Variants in DEPDC5 observed in about 807,000 individuals in gnomAD.
The protein encoded by DEPDC5 is GATOR1 complex protein DEPDC5.
Under a neutral mutation model 217.3 loss-of-function variants are expected in DEPDC5, and 73 were observed. That is an observed-to-expected ratio of 0.34 (90% confidence interval 0.28 to 0.41). DEPDC5 has a LOEUF of 0.41. Ranked by LOEUF, DEPDC5 falls within the 10% of genes least tolerant of loss-of-function variation. The pLI is 1.00. For missense variants in DEPDC5, 1,675 were observed against 2,070.1 expected (o/e 0.81, Z 3.70); for synonymous variants, 733 against 756.7 (o/e 0.97, Z 0.51).
chr22:31,904,164 C>A (rs372497856), intron 41 of DEPDC5, among the ~76,000 whole-genome samples: 3,175 of 135,404 alleles, frequency 0.023, 168 homozygotes, highest in East Asian at 0.039. Flanking sequence ...TGTGACCTAC[C>A]GCTCCTCCTT....
At chr22:31,760,982 GTTT>G (rs201553511) in intron 4 of DEPDC5, among the ~76,000 whole-genome samples, 2 of 139,154 alleles carry the variant, frequency 1.4e-5, no homozygotes. Flanking sequence ...TCTTAACATT[GTTT>G]TTTTTTTTTT....
At chr22:31,832,372 A>G (rs887645054) in intron 24 of DEPDC5, among the ~76,000 whole-genome samples, 2 of 152,352 alleles carry the variant, frequency 1.3e-5, no homozygotes, top group East Asian at 1.9e-4. Flanking sequence ...ATTGTTATCA[A>G]CAATGTGTAA....
intron 6 of DEPDC5, 108 bp downstream of exon 6, chr22:31,766,776 C>G (rs892015331): frequency 2.2e-6 from 2 of 925,100 alleles, no homozygotes; most frequent in Non-Finnish European, 3.4e-6. Flanking sequence ...ATATCAGCAT[C>G]TACAGACAAT....
intron 35 of DEPDC5, chr22:31,873,789 C>CTTTTT (rs796650383): frequency 2.2e-4 from 25 of 114,720 alleles, no homozygotes; most frequent in South Asian, 2.8e-4. Context: ...ACAACTTCTT[C>CTTTTT]TTTTTTTTTT....
chr22:31,790,531 A>G (rs936360822), intron 10 of DEPDC5, among the ~76,000 whole-genome samples: 1 of 152,130 alleles, frequency 6.6e-6, no homozygotes, highest in African/African-American at 2.4e-5. Context: ...CCCTCATCCT[A>G]TGAGACTAGT....
At chr22:31,845,621 C>A (rs2091683453) in intron 30 of DEPDC5, among the ~76,000 whole-genome samples, 1 of 152,128 alleles carries the variant, frequency 6.6e-6, no homozygotes, top group Admixed American at 6.6e-5. Flanking sequence ...TTCCCAGCAC[C>A]CTGTGCCTTA....
At chr22:31,851,512 C>T (rs562415206) in intron 31 of DEPDC5, among the ~76,000 whole-genome samples, 1 of 152,236 alleles carries the variant, frequency 6.6e-6, no homozygotes, top group African/African-American at 2.4e-5. Flanking sequence ...CATCAGAGCA[C>T]TTACCAGTAT....
chr22:31,843,043 G>T (rs2091492075), intron 27 of DEPDC5, 52 bp from the exon 28 acceptor site: 1 of 1,377,394 alleles, frequency 7.3e-7, no homozygotes, highest in Non-Finnish European at 1.0e-6. Context: ...ACAATTGTCT[G>T]TTATAGGAAT....
intron 31 of DEPDC5, among the ~76,000 whole-genome samples, chr22:31,848,026 C>T (rs1213123277): frequency 6.6e-6 from 1 of 152,218 alleles, no homozygotes; most frequent in South Asian, 2.1e-4. Flanking sequence ...CCATGCAAGT[C>T]TGAAATCCAA....
chr22:31,818,173 AC>A (rs1429279708), intron 21 of DEPDC5, among the ~76,000 whole-genome samples: 1 of 152,074 alleles, frequency 6.6e-6, no homozygotes, highest in Non-Finnish European at 1.5e-5. Context: ...CCATAATGGG[AC>A]CTGTCTACCA....
intron 27 of DEPDC5, among the ~76,000 whole-genome samples, chr22:31,842,050 A>G (rs1195230734): frequency 6.6e-6 from 1 of 152,250 alleles, no homozygotes; most frequent in African/African-American, 2.4e-5. Context: ...AATACTGGAC[A>G]TGGCACTTTA....
At chr22:31,837,609 C>T (rs535387710) in intron 26 of DEPDC5, among the ~76,000 whole-genome samples, 308 of 152,244 alleles carry the variant, frequency 2.0e-3, no homozygotes, top group African/African-American at 7.2e-3. Context: ...CCATCTGTTG[C>T]GTCCCAAAGT....
intron 12 of DEPDC5, among the ~76,000 whole-genome samples, chr22:31,793,714 C>T (rs910706487): frequency 1.3e-5 from 2 of 151,954 alleles, no homozygotes; most frequent in Admixed American, 6.6e-5. Flanking sequence ...GGACTACAGG[C>T]GCCCGTGACC....
chr22:31,821,055 G>C (rs738357), intron 22 of DEPDC5, among the ~76,000 whole-genome samples: 151,646 of 152,382 alleles, frequency 1, 75,460 homozygotes, highest in Middle Eastern at 1. Context: ...TTGACTAATT[G>C]TAATTTGTTT....
At chr22:31,819,969 T>A (rs2089523262) in intron 22 of DEPDC5, among the ~76,000 whole-genome samples, 1 of 152,216 alleles carries the variant, frequency 6.6e-6, no homozygotes, top group African/African-American at 2.4e-5. Context: ...GAATTCACTT[T>A]TTCCTAGTCC....
At chr22:31,757,394 G>T (rs1002601980) in intron 2 of DEPDC5, 3 of 152,198 alleles carry the variant, frequency 2.0e-5, no homozygotes, top group Non-Finnish European at 4.4e-5. Flanking sequence ...AACCACCTCA[G>T]GTTGGGAACA....
intron 32 of DEPDC5, among the ~76,000 whole-genome samples, chr22:31,859,755 C>T (rs2089593424): frequency 6.6e-6 from 1 of 152,212 alleles, no homozygotes; most frequent in South Asian, 2.1e-4. Context: ...ATTTGGCCTG[C>T]AAGCTGTAGT....
intron 20 of DEPDC5, among the ~76,000 whole-genome samples, chr22:31,812,466 C>T (rs2088507113): frequency 6.9e-6 from 1 of 145,376 alleles, no homozygotes; most frequent in Non-Finnish European, 1.5e-5. Context: ...GCTCTGTTGC[C>T]CAGGCTGGAG....
chr22:31,859,644 C>T (rs1347138627), intron 32 of DEPDC5, among the ~76,000 whole-genome samples: 2 of 152,160 alleles, frequency 1.3e-5, no homozygotes, highest in Non-Finnish European at 2.9e-5. Context: ...CCACCCACCT[C>T]AGCCTCCCAA....
Sources: gnomAD v4.1 joint callset for allele counts (sites outside exome capture counted in the v4.1 genomes callset) on GRCh38, gnomAD v4.1.1 for gene constraint, MANE v1.5 for transcripts, NCBI Gene and HGNC (gene_info 2026-07-23, HGNC 2026-07-21) for gene names.